Variants in TPGS1 observed in about 807,000 individuals in gnomAD.
TPGS1 encodes gene trap ROSA b-geo 22.
In TPGS1, 18 loss-of-function variants were observed where a neutral mutation model predicts 11.9. The ratio of observed to expected loss-of-function variants is 1.51; its 90% confidence interval spans 1.04 to 2.24. The LOEUF (loss-of-function observed/expected upper bound fraction) is 2.24. Among genes scored for constraint, TPGS1 ranks in the 30% most tolerant of loss-of-function variants. The pLI is 0.00. For missense variants in TPGS1, 500 were observed against 443.0 expected (o/e 1.13, Z -1.16); for synonymous variants, 247 against 218.2 (o/e 1.13, Z -1.16).
In TPGS1 at chr19:514,574, C is replaced by T. The variant is rs574569951; in HGVS notation, c.339-4315C>T. ...ATGCTGGCTTAGCACTTCCCCGGCA[C>T]CTACCACAGGTGGCCCACAGAAAGG... On this transcript the variant is annotated intron_variant, in intron 1 of 1. Transcript: ENST00000359315. 3.3e-5 allele frequency among the ~76,000 whole-genome samples: 5 copies of T among 152,350 alleles called. No homozygotes were observed. In the South Asian group the frequency reaches 1.0e-3, roughly 32 times the overall value.
rs1225368163 is a variant in TPGS1 at position 507,669 on chromosome 19, G to T, written c.163G>T (p.Val55Leu). The T allele has an allele frequency of 1.4e-6, 2 of 1,386,998 alleles. No homozygotes were observed. Among genetic ancestry groups the T allele is most frequent in the Non-Finnish European group, 1.9e-6 (2 of 1,059,172 alleles). 85.9% of individuals were successfully genotyped at this position (1,386,998 alleles called of 1,614,324 possible). ...TEMLRAALLK[V>L]LEARPEEPIA... ...AATGCTACGTGCGGCCCTGCTGAAG[G>T]TGCTGGAGGCGCGGCCCGAGGAGCC... is the stretch of plus-strand genomic sequence containing the variant. Residue 55 changes from valine to leucine, a missense_variant, in exon 1 of 2, where the codon GTG becomes TTG. Val to Leu is a conservative substitution (Grantham distance 32). Transcript: ENST00000359315.
chr19:514,405 T>C (rs1302915951), intron 1 of TPGS1, among the ~76,000 whole-genome samples: 1 of 151,958 alleles, frequency 6.6e-6, no homozygotes, highest in Non-Finnish European at 1.5e-5. Flanking sequence ...CCAGCATTAC[T>C]GAGTACCTAT....
At chr19:507,943 C>T (rs903704646) in intron 1 of TPGS1, 99 bp downstream of exon 1, 1 of 989,648 alleles carries the variant, frequency 1.0e-6, no homozygotes, top group South Asian at 3.3e-5. Flanking sequence ...CGCAGGGGCC[C>T]GGGGCTTGCT....
At chr19:513,712 GAGTACCTACTGCACACCA>G (rs1978870979) in intron 1 of TPGS1, among the ~76,000 whole-genome samples, 1 of 147,792 alleles carries the variant, frequency 6.8e-6, no homozygotes, top group Admixed American at 6.8e-5. Context: ...CAGCATTACT[GAGTACCTACTGCACACCA>G]GCCCAGCATT....
intron 1 of TPGS1, among the ~76,000 whole-genome samples, chr19:512,887 G>T (rs1978841178): frequency 6.6e-6 from 1 of 152,202 alleles, no homozygotes; most frequent in Non-Finnish European, 1.5e-5. Context: ...GCCGCCATGC[G>T]GTGGGGTCGC....
Position 519,132 on chromosome 19 carries a change from C to T in TPGS1, c.582C>T (p.Phe194=). 2 of 1,518,952 alleles carry T rather than the reference C, an allele frequency of 1.3e-6. No individual in the cohort carries two copies. The highest frequency in any genetic ancestry group is 1.2e-5 in the South Asian group (1 of 82,054). 94.1% of individuals were successfully genotyped at this position (1,518,952 alleles called of 1,614,324 possible). A position where few individuals can be genotyped will look rare whatever the true frequency, so the allele number is the denominator to read the frequency against. The part of the protein sequence containing the change: ...GTLTCFVLLE[F]VARAGALFQL... The stretch of plus-strand genomic sequence containing the variant: ...TCACCTGCTTCGTGCTGCTGGAGTT[C>T]GTGGCGCGCGCCGGCGCGCTCTTCC... The change falls in exon 2 of 2, where the codon TTC becomes TTT. Residue 194 remains phenylalanine, a synonymous_variant. Coordinates refer to ENST00000359315, the MANE Select transcript of TPGS1 (RefSeq NM_033513.3).
At position 518,870 on chromosome 19, in the gene TPGS1, A is replaced by T; in HGVS notation, c.339-19A>T. 6.7e-7 allele frequency: 1 copy of T among 1,491,924 alleles called. No individual in the cohort carries two copies. Among genetic ancestry groups the T allele is most frequent in the Non-Finnish European group, 8.9e-7 (1 of 1,127,738 alleles). 92.4% of individuals were successfully genotyped at this position (1,491,924 alleles called of 1,614,324 possible). A position where few individuals can be genotyped will look rare whatever the true frequency, so the allele number is the denominator to read the frequency against. On this transcript the variant is annotated intron_variant, in intron 1 of 1. Transcript: ENST00000359315. ...GGGCGCGCGGTCTCTGCCGGCCCCC[A>T]ACGTCCCCGTCTCCGCAGGGCCGCC...
chr19:511,639 G>C (rs1403827760), intron 1 of TPGS1, among the ~76,000 whole-genome samples: 1 of 152,276 alleles, frequency 6.6e-6, no homozygotes, highest in Non-Finnish European at 1.5e-5. Flanking sequence ...GCCAGGCACA[G>C]AGCCCTGCAC....
At position 519,407 on chromosome 19, in the gene TPGS1, T is replaced by C; in HGVS notation, c.857T>C (p.Val286Ala). The change falls in exon 2 of 2, where the codon GTC becomes GCC. Residue 286 changes from valine (V) to alanine (A), a missense_variant. Transcript: ENST00000359315. ...GCCGCCGCGCTCTTCATCGCGAAGG[T>C]CAAGCCGGTGGGCTGAGGCCCGTGG... ...ERAAALFIAKVKPVG is the reference protein window; with the variant it reads ...ERAAALFIAKAKPVG The C allele has an allele frequency of 8.2e-7, 1 of 1,222,772 alleles. No homozygotes were observed. The highest frequency in any genetic ancestry group is 1.0e-6 in the Non-Finnish European group (1 of 981,010). The allele number at this position is 1,222,772 out of a possible 1,614,324, so 75.7% of individuals were successfully genotyped here.
intron 1 of TPGS1, among the ~76,000 whole-genome samples, chr19:510,794 C>T (rs918443998): frequency 2.0e-5 from 3 of 152,202 alleles, no homozygotes; most frequent in East Asian, 1.9e-4. Context: ...GCCAGGAAAA[C>T]GTGCACGAAA....
Position 519,567 on chromosome 19 carries a change from ACGCCCGGTCCCCACACAGCGCCGCGGC to A in TPGS1, c.*150_*176del, listed in dbSNP as rs1438357194. 7 of 755,200 alleles carry A rather than the reference ACGCCCGGTCCCCACACAGCGCCGCGGC, an allele frequency of 9.3e-6. No homozygotes were observed. Among genetic ancestry groups the A allele is most frequent in the Non-Finnish European group, 7.0e-6 (4 of 573,412 alleles). The allele number at this position is 755,200 out of a possible 1,614,324, so 46.8% of individuals were successfully genotyped here. A position where few individuals can be genotyped will look rare whatever the true frequency, so the allele number is the denominator to read the frequency against. Reference sequence around the variant, plus strand: ...GGAGGCCGGGGCTCCCAGGAAGCGGACGCCCGGTCCCCACACAGCGCCGCGGCCGCCCCTCCACCCCCGCGGGAGCCC... The same window carrying A: ...GGAGGCCGGGGCTCCCAGGAAGCGGACGCCCCTCCACCCCCGCGGGAGCCC... On this transcript the variant is annotated 3_prime_UTR_variant, in exon 2 of 2. Transcript: ENST00000359315.
chr19:512,599 G>A (rs1269618842), intron 1 of TPGS1, among the ~76,000 whole-genome samples: 1 of 152,278 alleles, frequency 6.6e-6, no homozygotes, highest in Non-Finnish European at 1.5e-5. Flanking sequence ...CGTTTCAGGG[G>A]GCAAAGCAAG....
At chr19:514,633 G>A (rs1978898267) in intron 1 of TPGS1, among the ~76,000 whole-genome samples, 1 of 152,246 alleles carries the variant, frequency 6.6e-6, no homozygotes, top group Non-Finnish European at 1.5e-5. Flanking sequence ...CCGGAGGGAA[G>A]GCTGCCCTCC....
chr19:512,297 G>A (rs927643327), intron 1 of TPGS1, among the ~76,000 whole-genome samples: 1 of 152,096 alleles, frequency 6.6e-6, no homozygotes, highest in Non-Finnish European at 1.5e-5. Flanking sequence ...CCAAGTACCC[G>A]GGACCACAGA....
intron 1 of TPGS1, chr19:508,122 A>G: frequency 2.8e-6 from 1 of 356,740 alleles, no homozygotes; most frequent in Non-Finnish European, 5.0e-6. Flanking sequence ...TTCCCCTTGC[A>G]GTTCATGATT....
At chr19:514,042 T>C (rs978483393) in intron 1 of TPGS1, among the ~76,000 whole-genome samples, 4 of 151,836 alleles carry the variant, frequency 2.6e-5, no homozygotes, top group Non-Finnish European at 4.4e-5. Context: ...AGACCCAGCA[T>C]TACTGAGCAC....
rs146550303 is a variant in TPGS1 at position 513,273 on chromosome 19, C to G, written c.338+5429C>G. On this transcript the variant is annotated intron_variant, in intron 1 of 1. Coordinates refer to ENST00000359315, the MANE Select transcript of TPGS1 (RefSeq NM_033513.3). ...CCCCAGCGCATTTTGGGGATGACCT[C>G]ATGGATGGTAAAAGCGCCCAGCGGA... Among the ~76,000 whole-genome samples the G allele has an allele frequency of 6.4e-3, 980 of 152,336 alleles. 13 individuals carry two copies. Among genetic ancestry groups the G allele is most frequent in the African/African-American group, 0.022 (931 of 41,564 alleles).
chr19:511,587 A>G (rs950969524), intron 1 of TPGS1, among the ~76,000 whole-genome samples: 3 of 152,248 alleles, frequency 2.0e-5, no homozygotes, highest in Admixed American at 6.5e-5. Flanking sequence ...AGGAGAGTGC[A>G]CACAGCTGGG....
intron 1 of TPGS1, among the ~76,000 whole-genome samples, chr19:515,344 T>C (rs1383506579): frequency 6.7e-6 from 1 of 148,282 alleles, no homozygotes; most frequent in Non-Finnish European, 1.5e-5. Flanking sequence ...GAGGCTGCTG[T>C]GAGCCCTGAT....
Sources: gnomAD v4.1 joint callset for allele counts (sites outside exome capture counted in the v4.1 genomes callset) on GRCh38, gnomAD v4.1.1 for gene constraint, MANE v1.5 for transcripts, NCBI Gene and HGNC (gene_info 2026-07-23, HGNC 2026-07-21) for gene names.